Variants in BTBD9 observed in about 807,000 individuals in gnomAD.
The protein encoded by BTBD9 is BTB/POZ domain-containing protein 9.
A neutral mutation model predicts 64.3 loss-of-function variants in BTBD9; 49 were observed. The observed-to-expected ratio is 0.76, with a 90% confidence interval of 0.61 to 0.97. The LOEUF (loss-of-function observed/expected upper bound fraction) is 0.97. BTBD9 is among the 50% of genes least tolerant of loss of function. The pLI, the probability that BTBD9 is intolerant of heterozygous loss-of-function variation, is 0.00. For missense variants in BTBD9, 598 were observed against 762.1 expected (o/e 0.78, Z 2.53); for synonymous variants, 260 against 274.7 (o/e 0.95, Z 0.53).
At chr6:38,318,076 G>A (rs974935375) in intron 7 of BTBD9, among the ~76,000 whole-genome samples, 4 of 151,298 alleles carry the variant, frequency 2.6e-5, no homozygotes, top group African/African-American at 9.7e-5. Context: ...TGTATTTTTA[G>A]TAGAGACAAG....
intron 6 of BTBD9, among the ~76,000 whole-genome samples, chr6:38,558,563 T>C (rs905007303): frequency 1.3e-5 from 2 of 152,194 alleles, no homozygotes; most frequent in Admixed American, 6.5e-5. Flanking sequence ...TTTTGAGGTA[T>C]GTTCTTTTGA....
At chr6:38,582,483 G>A (rs1776335268) in intron 4 of BTBD9, among the ~76,000 whole-genome samples, 1 of 152,148 alleles carries the variant, frequency 6.6e-6, no homozygotes, top group Non-Finnish European at 1.5e-5. Flanking sequence ...CACAAAGCCA[G>A]GAAGTAGCAG....
chr6:38,372,339 A>G (rs1765459891), intron 6 of BTBD9, among the ~76,000 whole-genome samples: 1 of 152,246 alleles, frequency 6.6e-6, no homozygotes, highest in Non-Finnish European at 1.5e-5. Context: ...GCCTAATCGC[A>G]GTATGATGAG....
At chr6:38,182,672 C>T (rs531570580) in intron 10 of BTBD9, among the ~76,000 whole-genome samples, 8 of 152,312 alleles carry the variant, frequency 5.3e-5, no homozygotes, top group African/African-American at 1.9e-4. Flanking sequence ...TGCGTCGAGG[C>T]TTCCAGCATC....
intron 9 of BTBD9, among the ~76,000 whole-genome samples, chr6:38,233,613 C>T (rs1429731754): frequency 1.3e-5 from 2 of 152,210 alleles, no homozygotes; most frequent in Non-Finnish European, 2.9e-5. Context: ...GGCCTGCCAG[C>T]GCCTTTCAGT....
At chr6:38,594,377 T>A (rs748860011) in intron 2 of BTBD9, 50 bp from the exon 3 acceptor site, 4 of 1,517,114 alleles carry the variant, frequency 2.6e-6, no homozygotes, top group African/African-American at 1.4e-5. Context: ...TAGGATTTGC[T>A]ACAAAATATT....
At chr6:38,514,055 A>C (rs1466770580) in intron 6 of BTBD9, among the ~76,000 whole-genome samples, 2 of 152,254 alleles carry the variant, frequency 1.3e-5, no homozygotes. Flanking sequence ...GGAAAGGATT[A>C]AACATGAAGA....
At chr6:38,447,059 C>T (rs1377861709) in intron 6 of BTBD9, among the ~76,000 whole-genome samples, 1 of 152,202 alleles carries the variant, frequency 6.6e-6, no homozygotes, top group Non-Finnish European at 1.5e-5. Context: ...TGGCATTTCA[C>T]AGCTCACCAA....
intron 9 of BTBD9, among the ~76,000 whole-genome samples, chr6:38,249,511 C>T (rs959579043): frequency 2.0e-5 from 3 of 152,088 alleles, no homozygotes; most frequent in Non-Finnish European, 4.4e-5. Context: ...AACAATCCTC[C>T]TGCCTCAGCC....
chr6:38,368,526 G>A lies in BTBD9; in HGVS notation c.1155-23433C>T, dbSNP rs539238085. Among the ~76,000 whole-genome samples the A allele has an allele frequency of 2.6e-5, 4 of 152,042 alleles. No individual in the cohort carries two copies. In the East Asian group the frequency reaches 7.7e-4, roughly 29 times the overall value. On this transcript the variant is annotated intron_variant, in intron 6 of 10. Transcript: ENST00000481247. ...ATTTTTGTATTATTAATAGAGATGG[G>A]GTTTCACCACATTGGCCGGGGTGGT...
At chr6:38,241,555 G>A (rs1763992310) in intron 9 of BTBD9, among the ~76,000 whole-genome samples, 1 of 152,228 alleles carries the variant, frequency 6.6e-6, no homozygotes, top group Non-Finnish European at 1.5e-5. Context: ...AAAAGTGTAT[G>A]AGCAGAAAGC....
chr6:38,270,708 G>A (rs1192931348), intron 8 of BTBD9, among the ~76,000 whole-genome samples: 1 of 152,192 alleles, frequency 6.6e-6, no homozygotes, highest in Non-Finnish European at 1.5e-5. Context: ...GAGGTAGCAT[G>A]AGCAGGTAAA....
rs1242512696 is a variant in BTBD9, at chr6:38,517,618, T to C, written c.1154+59982A>G. ...ATTAGCTTCCTGTGGAGTAAACTCC[T>C]ATTAACTAGGAACAGGAGACAGGAA... On this transcript the variant is annotated intron_variant, in intron 6 of 10. Transcript: ENST00000481247. 2.0e-5 allele frequency among the ~76,000 whole-genome samples: 3 copies of C among 152,186 alleles called. No homozygotes were observed. The East Asian group carries it at 5.8e-4, about 29-fold the overall frequency.
chr6:38,516,217 G>A lies in BTBD9; in HGVS notation c.1154+61383C>T, dbSNP rs566761391. 2.7e-4 allele frequency among the ~76,000 whole-genome samples: 41 copies of A among 152,114 alleles called. No individual in the cohort carries two copies. The Middle Eastern group carries it at 0.01, about 38-fold the overall frequency. On this transcript the variant is annotated intron_variant, in intron 6 of 10. Coordinates refer to ENST00000481247, the MANE Select transcript of BTBD9 (RefSeq NM_001099272.2). The stretch of plus-strand genomic sequence containing the variant: ...ATCACCTTCACTGGACTAGAAAATA[G>A]GAGGGAGAGTACTTTGTATTTTCAA...
chr6:38,202,418 T>C (rs1333755876), intron 9 of BTBD9, among the ~76,000 whole-genome samples: 1 of 150,786 alleles, frequency 6.6e-6, no homozygotes, highest in African/African-American at 2.4e-5. Context: ...AAAAAAAAAA[T>C]CCTAAAATTC....
chr6:38,210,362 T>G (rs1009499145), intron 9 of BTBD9, among the ~76,000 whole-genome samples: 6 of 152,180 alleles, frequency 3.9e-5, no homozygotes, highest in Admixed American at 1.3e-4. Context: ...AATCACTTTC[T>G]CGGCTCAAAC....
chr6:38,233,683 A>T (rs1763687282), intron 9 of BTBD9, among the ~76,000 whole-genome samples: 1 of 152,032 alleles, frequency 6.6e-6, no homozygotes, highest in Admixed American at 6.5e-5. Context: ...CAAATGACAG[A>T]AGAACACAAT....
rs531363850 is a variant in BTBD9 at position 38,463,812 on chromosome 6, G to T, written c.1154+113788C>A. 9.9e-5 allele frequency among the ~76,000 whole-genome samples: 15 copies of T among 152,210 alleles called. No homozygotes were observed. The South Asian group carries it at 1.2e-3, about 13-fold the overall frequency. On this transcript the variant is annotated intron_variant, in intron 6 of 10. Coordinates refer to ENST00000481247, the MANE Select transcript of BTBD9 (RefSeq NM_001099272.2). Reference sequence around the variant, plus strand: ...TTTAGGAGGCCAAGGCAGGTAGGTCGCTTGAGTCCAGGAGTTTGAGACCAG... The same window carrying T: ...TTTAGGAGGCCAAGGCAGGTAGGTCTCTTGAGTCCAGGAGTTTGAGACCAG...
intron 6 of BTBD9, among the ~76,000 whole-genome samples, chr6:38,379,075 T>A (rs967448696): frequency 5.9e-5 from 9 of 152,086 alleles, no homozygotes; most frequent in Admixed American, 5.2e-4. Context: ...AGATATATGA[T>A]CACTCTACCC....
Sources: gnomAD v4.1 joint callset for allele counts (sites outside exome capture counted in the v4.1 genomes callset) on GRCh38, gnomAD v4.1.1 for gene constraint, MANE v1.5 for transcripts, NCBI Gene and HGNC (gene_info 2026-07-23, HGNC 2026-07-21) for gene names.